Variants in FGF2 observed in about 807,000 individuals in gnomAD.
The protein encoded by FGF2 is basic fibroblast growth factor bFGF.
Under a neutral mutation model 15.9 loss-of-function variants are expected in FGF2, and 13 were observed. The observed-to-expected ratio is 0.82, with a 90% CI of 0.53 to 1.30. The LOEUF is 1.30. Ranked by LOEUF, FGF2 falls within the 50% of genes most tolerant of loss-of-function variation. FGF2 has a pLI of 0.00. For synonymous variants in FGF2, 90 were observed against 78.4 expected, an observed-to-expected ratio of 1.15 and a Z score of -0.78; for missense variants, 163 against 196.9, an observed-to-expected ratio of 0.83 and a Z score of 1.03.
intron 1 of FGF2, among the ~76,000 whole-genome samples, chr4:122,830,816 CAA>C (rs35597051): frequency 1.3e-4 from 12 of 92,818 alleles, no homozygotes; most frequent in African/African-American, 2.7e-4. Context: ...CTCTTATTTA[CAA>C]AAAAAAAAAA....
chr4:122,889,617 C>CA (rs1278898950), intron 2 of FGF2, among the ~76,000 whole-genome samples: 14 of 151,970 alleles, frequency 9.2e-5, no homozygotes, highest in African/African-American at 2.9e-4. Flanking sequence ...AGTTTGTTTT[C>CA]AAGAGCAAAA....
intron 1 of FGF2, among the ~76,000 whole-genome samples, chr4:122,862,887 G>A (rs969285513): frequency 6.6e-6 from 1 of 152,170 alleles, no homozygotes; most frequent in Non-Finnish European, 1.5e-5. Flanking sequence ...AGAAGTCTAT[G>A]TTTATCAAAA....
At position 122,827,163 on chromosome 4, in the gene FGF2, C is replaced by G; in HGVS notation, c.-12C>G. On this transcript the variant is annotated 5_prime_UTR_variant, in exon 1 of 3. Coordinates refer to ENST00000644866, the MANE Select transcript of FGF2 (RefSeq NM_001361665.2). This position sits in a 1 kb window ranked among gnomAD's most constrained non-coding sequence, Gnocchi z 4.2. ...AGCGGCTCGGGGATCCCGGCCGGGC[C>G]CCGCAGGGACCATGGCAGCCGGGAG... 1 of 1,503,044 alleles carries G rather than the reference C, an allele frequency of 6.7e-7. No individual in the cohort carries two copies. Among genetic ancestry groups the G allele is most frequent in the Non-Finnish European group, 8.9e-7 (1 of 1,127,528 alleles). The allele number at this position is 1,503,044 out of a possible 1,614,324, so 93.1% of individuals were successfully genotyped here.
In FGF2 at chr4:122,897,510, C is replaced by T; in HGVS notation, c.*5114C>T. 1.3e-6 allele frequency: 1 copy of T among 748,872 alleles called. No homozygotes were observed. Among genetic ancestry groups the T allele is most frequent in the Non-Finnish European group, 2.4e-6 (1 of 423,710 alleles). The allele number at this position is 748,872 out of a possible 1,614,324, so 46.4% of individuals were successfully genotyped here. ...AGGTAATTTCTGAAATGTTCAGACT[C>T]AGTCGGAACAAATTGGAAAATTTAA... On this transcript the variant is annotated 3_prime_UTR_variant, in exon 3 of 3. Transcript: ENST00000644866.
intron 2 of FGF2, among the ~76,000 whole-genome samples, chr4:122,880,395 C>T (rs1183728256): frequency 2.6e-5 from 4 of 151,966 alleles, no homozygotes; most frequent in African/African-American, 4.8e-5. Context: ...TATAGGCACC[C>T]GCCACCATGC....
intron 1 of FGF2, among the ~76,000 whole-genome samples, chr4:122,853,854 G>A (rs1726283955): frequency 6.6e-6 from 1 of 152,172 alleles, no homozygotes; most frequent in Non-Finnish European, 1.5e-5. Flanking sequence ...AATATTGATA[G>A]GAGTTAAATG....
chr4:122,834,829 C>T (rs1725831521), intron 1 of FGF2, among the ~76,000 whole-genome samples: 1 of 152,196 alleles, frequency 6.6e-6, no homozygotes, highest in Non-Finnish European at 1.5e-5. Flanking sequence ...CCTCAGGCTT[C>T]AGGGGAGGAC....
chr4:122,877,459 G>A (rs1391037491), intron 2 of FGF2, among the ~76,000 whole-genome samples: 3 of 152,044 alleles, frequency 2.0e-5, no homozygotes, highest in Non-Finnish European at 4.4e-5. Flanking sequence ...GCTTATCAGG[G>A]GTCCTAGTTC....
At chr4:122,863,729 T>C (rs929774986) in intron 1 of FGF2, among the ~76,000 whole-genome samples, 2 of 152,294 alleles carry the variant, frequency 1.3e-5, no homozygotes, top group Admixed American at 1.3e-4. Flanking sequence ...AAAATATATA[T>C]GTTTAGAGAT....
chr4:122,827,227 G>A lies in FGF2; in HGVS notation c.53G>A (p.Ser18Asn). The change falls in exon 1 of 3, where the codon AGC (serine) becomes AAC (asparagine). Residue 18 changes from serine (S) to asparagine (N), a missense_variant. Transcript: ENST00000644866. The surrounding 1 kb of genome is among the most constrained non-coding windows in gnomAD (Gnocchi z 4.2). ...CCCGCCTTGCCCGAGGATGGCGGCA[G>A]CGGCGCCTTCCCGCCCGGCCACTTC... is the stretch of plus-strand genomic sequence containing the variant. ...TLPALPEDGG[S>N]GAFPPGHFKD... 6.2e-7 allele frequency: 1 copy of A among 1,611,214 alleles called. No homozygotes were observed.
chr4:122,860,447 C>CTTT (rs34541038), intron 1 of FGF2, among the ~76,000 whole-genome samples: 7,038 of 90,826 alleles, frequency 0.077, 1,051 homozygotes, highest in Non-Finnish European at 0.1. Flanking sequence ...CTAAGGTTAA[C>CTTT]TTTTTTTTTT....
rs1726243840 is a variant in FGF2, at chr4:122,852,093, TG to T, written c.179-24227del. 7.9e-5 allele frequency among the ~76,000 whole-genome samples: 12 copies of T among 152,324 alleles called. No homozygotes were observed. The South Asian group carries it at 2.5e-3, about 32-fold the overall frequency. ...CTTATCTGTCCTCCACTGCTTCAGTTGTCTATTGCTGTGTAACAAACATCTC... is the reference window on the plus strand; with the variant it reads ...CTTATCTGTCCTCCACTGCTTCAGTTTCTATTGCTGTGTAACAAACATCTC... On this transcript the variant is annotated intron_variant, in intron 1 of 2. Transcript: ENST00000644866.
rs377516130 is a variant in FGF2, at chr4:122,856,759, T to C, written c.179-19562T>C. On this transcript the variant is annotated intron_variant, in intron 1 of 2. Transcript: ENST00000644866. ...CTTGTGAAACAGTAGTACAGTATCA[T>C]AACCCAGATATTGACATTGATTCAT... 2.2e-4 allele frequency among the ~76,000 whole-genome samples: 33 copies of C among 152,354 alleles called. No homozygotes were observed. In the South Asian group the frequency reaches 5.2e-3, roughly 24 times the overall value.
At chr4:122,882,087 G>A (rs1352882432) in intron 2 of FGF2, 3 of 152,164 alleles carry the variant, frequency 2.0e-5, no homozygotes, top group African/African-American at 7.2e-5. Context: ...AGAAAGACTT[G>A]TCTCCATGAT....
At chr4:122,864,742 G>A (rs1402758868) in intron 1 of FGF2, among the ~76,000 whole-genome samples, 2 of 151,942 alleles carry the variant, frequency 1.3e-5, no homozygotes, top group Non-Finnish European at 2.9e-5. Context: ...TGCTAACATT[G>A]TTACATATGG....
At chr4:122,860,767 A>G (rs1235580226) in intron 1 of FGF2, among the ~76,000 whole-genome samples, 1 of 152,074 alleles carries the variant, frequency 6.6e-6, no homozygotes, top group African/African-American at 2.4e-5. Flanking sequence ...TACTTCTTAC[A>G]TATCTGTGGC....
chr4:122,865,281 G>T (rs1045455665), intron 1 of FGF2, among the ~76,000 whole-genome samples: 134 of 108,988 alleles, frequency 1.2e-3, no homozygotes, highest in African/African-American at 3.6e-3. Flanking sequence ...GTTTTTTTTT[G>T]TTTGTTTGTT....
Position 122,896,716 on chromosome 4 carries a change from A to T in FGF2, c.*4320A>T, listed in dbSNP as rs2150798164. 1 of 152,318 alleles carries T rather than the reference A, an allele frequency of 6.6e-6. No individual in the cohort carries two copies. The highest frequency in any genetic ancestry group is 2.1e-4 in the South Asian group (1 of 4,830). 9.4% of individuals were successfully genotyped at this position (152,318 alleles called of 1,614,324 possible). On this transcript the variant is annotated 3_prime_UTR_variant, in exon 3 of 3. Coordinates refer to ENST00000644866, the MANE Select transcript of FGF2 (RefSeq NM_001361665.2). ...TACGAGTTGGCTATATAATGTATGT[A>T]TGGTATTTTGATTTGTGTAAAAGTT... is the stretch of plus-strand genomic sequence containing the variant.
At chr4:122,829,468 G>A (rs1404401501) in intron 1 of FGF2, among the ~76,000 whole-genome samples, 1 of 152,158 alleles carries the variant, frequency 6.6e-6, no homozygotes, top group Non-Finnish European at 1.5e-5. Flanking sequence ...TGAGAACTCT[G>A]CTAACTTTAT....
Sources: gnomAD v4.1 joint callset for allele counts (sites outside exome capture counted in the v4.1 genomes callset) on GRCh38, gnomAD v4.1.1 for gene constraint, Gnocchi (gnomAD v3.1) non-coding constraint, MANE v1.5 for transcripts, NCBI Gene and HGNC (gene_info 2026-07-23, HGNC 2026-07-21) for gene names.